The following DPP10 variants were observed in gnomAD, a reference collection of about 807,000 sequenced individuals.
DPP10 encodes the protein dipeptidyl peptidase like 10.
DPP10 carries 33 observed loss-of-function variants against 120.9 expected under a neutral mutation model. The observed-to-expected ratio is 0.27, with a 90% CI of 0.21 to 0.37. DPP10 has a LOEUF of 0.37. Among genes scored for constraint, DPP10 ranks in the 10% least tolerant of loss-of-function variants. The probability of loss-of-function intolerance (pLI) is 1.00; values close to 1 mark genes in which losing one functional copy is unlikely to be tolerated. For synonymous variants in DPP10, 337 were observed against 326.1 expected, an observed-to-expected ratio of 1.03 and a Z score of -0.36; for missense variants, 816 against 942.8, an observed-to-expected ratio of 0.87 and a Z score of 1.76.
intron 2 of DPP10, among the ~76,000 whole-genome samples, chr2:115,329,286 C>T (rs1394074263): frequency 6.6e-6 from 1 of 151,770 alleles, no homozygotes; most frequent in Admixed American, 6.6e-5. Flanking sequence ...ATATGGCTTT[C>T]TGTATGAAAG....
chr2:115,359,207 G>A (rs574279773), intron 3 of DPP10, among the ~76,000 whole-genome samples: 1 of 152,270 alleles, frequency 6.6e-6, no homozygotes, highest in South Asian at 2.1e-4. Context: ...GGACTCGATT[G>A]TGTAGTTGCT....
Position 114,612,688 on chromosome 2 carries a change from C to A in DPP10, c.60+169850C>A, listed in dbSNP as rs115401936. ...AAATAAATCACCGAAAAACTTGAAGCAAAGTAGTTAGCAGTTCATAGAAAA... is the reference window on the plus strand; with the variant it reads ...AAATAAATCACCGAAAAACTTGAAGAAAAGTAGTTAGCAGTTCATAGAAAA... On this transcript the variant is annotated intron_variant, in intron 1 of 25. Transcript: ENST00000410059. Among the ~76,000 whole-genome samples, 893 of 152,204 alleles carry A rather than the reference C, an allele frequency of 5.9e-3. 6 individuals are homozygous for A. The highest frequency in any genetic ancestry group is 0.021 in the African/African-American group (859 of 41,540).
intron 3 of DPP10, among the ~76,000 whole-genome samples, chr2:115,419,075 G>A (rs1473063284): frequency 3.3e-5 from 5 of 152,250 alleles, no homozygotes; most frequent in Admixed American, 3.3e-4. Context: ...TACCTTTACA[G>A]CAACATCTAG....
At chr2:114,458,694 TTACAGTTA>T (rs1347503698) in intron 1 of DPP10, among the ~76,000 whole-genome samples, 2 of 152,226 alleles carry the variant, frequency 1.3e-5, no homozygotes, top group African/African-American at 4.8e-5. Context: ...GTTCTCTATG[TTACAGTTA>T]TAGCAATTAA....
chr2:115,581,230 G>C (rs1173402458), intron 5 of DPP10, among the ~76,000 whole-genome samples: 1 of 152,126 alleles, frequency 6.6e-6, no homozygotes, highest in Non-Finnish European at 1.5e-5. Context: ...CTATGGAAAA[G>C]AATTTGATTT....
intron 1 of DPP10, among the ~76,000 whole-genome samples, chr2:114,616,640 G>T (rs785046): frequency 0.11 from 16,246 of 152,070 alleles, 1,179 homozygotes; most frequent in African/African-American, 0.2. Context: ...GTTAAGGAAA[G>T]AAGCTGGTTA....
At chr2:115,152,015 T>C (rs1164173851) in intron 1 of DPP10, among the ~76,000 whole-genome samples, 2 of 152,160 alleles carry the variant, frequency 1.3e-5, no homozygotes, top group Non-Finnish European at 2.9e-5. Context: ...TTCTGATTAA[T>C]GTTTTTTTCA....
chr2:115,277,754 TTTA>T (rs1330521671), intron 1 of DPP10, among the ~76,000 whole-genome samples: 1 of 152,118 alleles, frequency 6.6e-6, no homozygotes, highest in African/African-American at 2.4e-5. Context: ...AATTAAAGAT[TTTA>T]TTATATCTTG....
intron 1 of DPP10, among the ~76,000 whole-genome samples, chr2:114,454,668 G>C (rs1678466997): frequency 6.6e-6 from 1 of 152,164 alleles, no homozygotes; most frequent in African/African-American, 2.4e-5. Context: ...CATTCGGGCT[G>C]AATTCACAGG....
chr2:115,287,934 A>G (rs528445031), intron 1 of DPP10, among the ~76,000 whole-genome samples: 1 of 151,960 alleles, frequency 6.6e-6, no homozygotes, highest in Admixed American at 6.6e-5. Context: ...AGGCACTTGG[A>G]TTGGTTCTAT....
chr2:115,744,959 A>C (rs1174781356), intron 9 of DPP10, among the ~76,000 whole-genome samples: 1 of 150,484 alleles, frequency 6.6e-6, no homozygotes, highest in African/African-American at 2.4e-5. Flanking sequence ...GAAACATATT[A>C]AGTACCTTAT....
chr2:114,829,967 A>G (rs552363951), intron 1 of DPP10, among the ~76,000 whole-genome samples: 2 of 151,788 alleles, frequency 1.3e-5, no homozygotes, highest in Admixed American at 6.6e-5. Context: ...TCTTGAACCC[A>G]CCCATTTTCC....
chr2:115,636,494 A>G, intron 5 of DPP10, among the ~76,000 whole-genome samples: 1 of 152,128 alleles, frequency 6.6e-6, no homozygotes, highest in Non-Finnish European at 1.5e-5. Context: ...ATACTTAAAT[A>G]TAATTGTGCA....
At chr2:115,239,913 C>A (rs2058191015) in intron 1 of DPP10, among the ~76,000 whole-genome samples, 1 of 152,112 alleles carries the variant, frequency 6.6e-6, no homozygotes, top group Non-Finnish European at 1.5e-5. Context: ...TCATCTGTGT[C>A]CCTGCAAAGG....
chr2:115,219,961 A>T (rs1158018817), intron 1 of DPP10, among the ~76,000 whole-genome samples: 1 of 152,206 alleles, frequency 6.6e-6, no homozygotes, highest in Non-Finnish European at 1.5e-5. Context: ...TTATTCACCC[A>T]ACTACATGCT....
chr2:115,358,595 C>T (rs1344387606), intron 3 of DPP10, among the ~76,000 whole-genome samples: 1 of 152,170 alleles, frequency 6.6e-6, no homozygotes, highest in Non-Finnish European at 1.5e-5. Context: ...GTGCCTGTTA[C>T]CCAGTTTCAA....
chr2:115,623,069 TCTC>T (rs2085090107), intron 5 of DPP10, among the ~76,000 whole-genome samples: 2 of 152,026 alleles, frequency 1.3e-5, no homozygotes, highest in Admixed American at 1.3e-4. Flanking sequence ...ATGGTCTCGA[TCTC>T]CTGACCTCGT....
intron 1 of DPP10, among the ~76,000 whole-genome samples, chr2:114,497,121 ACGTG>A: frequency 6.7e-6 from 1 of 149,318 alleles, no homozygotes; most frequent in Admixed American, 6.7e-5. Context: ...ATACATGCAC[ACGTG>A]TATACATGTA....
chr2:115,124,418 G>A (rs146944702), intron 1 of DPP10, among the ~76,000 whole-genome samples: 1,868 of 152,218 alleles, frequency 0.012, 39 homozygotes, highest in African/African-American at 0.043. Flanking sequence ...AGCAGCAGTG[G>A]CTTAATTTAC....
Sources: allele counts gnomAD v4.1 joint callset (sites outside exome capture counted in the v4.1 genomes callset), GRCh38; gene constraint gnomAD v4.1.1; transcripts MANE v1.5; gene names NCBI Gene and HGNC (gene_info 2026-07-23, HGNC 2026-07-21).